Variants in RPS4Y2 observed in about 807,000 individuals in gnomAD.
RPS4Y2 encodes ribosomal protein S4 Y-linked 2.
In RPS4Y2, 6 loss-of-function variants were observed where a neutral mutation model predicts 5.0. The ratio of observed to expected loss-of-function variants is 1.20; its 90% CI spans 0.66 to 2.37. RPS4Y2 has a LOEUF of 2.37. Ranked by LOEUF, RPS4Y2 falls within the 30% of genes most tolerant of loss-of-function variation. The pLI is 0.00. For missense variants in RPS4Y2, 80 were observed against 59.5 expected (o/e 1.34, Z -1.13); for synonymous variants, 19 against 19.9 (o/e 0.96, Z 0.12).
At chrY:20,756,202 C>T (rs370747879) in intron 1 of RPS4Y2, 36 bp downstream of exon 1, 5 of 387,169 alleles carry the variant, frequency 1.3e-5, no homozygotes, top group African/African-American at 6.3e-5. Context: ...GATTTATCTG[C>T]CTCCATCCTT....
Position 20,760,058 on chromosome Y carries a change from G to C in RPS4Y2, c.262+10G>C, listed in dbSNP as rs753328670. 18 of 391,240 alleles carry C rather than the reference G, an allele frequency of 4.6e-5. No homozygotes were observed. Among genetic ancestry groups the C allele is most frequent in the Non-Finnish European group, 6.5e-5 (18 of 276,421 alleles). ...CCTGCTGGATTCATAGGTAAGGAAA[G>C]AGTTCTTTGTTTTGAAGAAGGAACA... On this transcript the variant is annotated intron_variant, in intron 3 of 6. Transcript: ENST00000629237.
At chrY:20,756,216 A>G in intron 1 of RPS4Y2, 50 bp downstream of exon 1, 1 of 364,531 alleles carries the variant, frequency 2.7e-6, no homozygotes, top group Non-Finnish European at 4.0e-6. Context: ...CATCCTTTGA[A>G]GAAGGGCCTT....
In RPS4Y2 at chrY:20,756,108, G is replaced by A; in HGVS notation, c.-56G>A. ...ATTTGACTTCCCGCTGTTTATCACC[G>A]CAGATTACGGTTGCACCGTAAAAGG... On this transcript the variant is annotated 5_prime_UTR_variant, in exon 1 of 7. Transcript: ENST00000629237. 17 of 377,799 alleles carry A rather than the reference G, an allele frequency of 4.5e-5. No individual in the cohort carries two copies. In the Admixed American group the frequency reaches 1.2e-3, roughly 27 times the overall value. The allele number at this position is 377,799 out of a possible 400,897, so 94.2% of individuals were successfully genotyped here. A position where few individuals can be genotyped will look rare whatever the true frequency, so the allele number is the denominator to read the frequency against.
chrY:20,779,717 A>C, intron 6 of RPS4Y2, 51 bp downstream of exon 6: 1 of 316,216 alleles, frequency 3.2e-6, no homozygotes. Context: ...ACCCTAAAAA[A>C]TGTAAAGACC....
intron 6 of RPS4Y2, 67 bp downstream of exon 6, chrY:20,779,733 C>T: frequency 3.6e-6 from 1 of 281,500 alleles, no homozygotes; most frequent in Non-Finnish European, 5.6e-6. Flanking sequence ...AGACCTGCAT[C>T]CACTGTTGGT....
rs775828352 is a variant in RPS4Y2 at position 20,756,852 on chromosome Y, A to G, written c.78A>G (p.Val26=). ...KHWMLDKLTG[V]FAPRPSTGPH... ...GGATGCTGGATAAACTAACTGGTGT[A>G]TTTGTGAGTATAACTGTATTTGCTT... Residue 26 remains valine, a synonymous_variant, in exon 2 of 7, where the codon GTA becomes GTG. Coordinates refer to ENST00000629237, the MANE Select transcript of RPS4Y2 (RefSeq NM_001039567.3). 6.6e-5 allele frequency: 26 copies of G among 392,066 alleles called. No homozygotes were observed. The highest frequency in any genetic ancestry group is 9.4e-5 in the Non-Finnish European group (26 of 277,498).
chrY:20,780,872 C>A, intron 6 of RPS4Y2, 59 bp from the exon 7 acceptor site: 1 of 229,882 alleles, frequency 4.4e-6, no homozygotes, highest in Admixed American at 9.3e-5. Flanking sequence ...AGCTTTCTTT[C>A]GTCTCCTCCC....
Position 20,756,116 on chromosome Y carries a change from C to T in RPS4Y2, c.-48C>T, listed in dbSNP as rs1223655217. The T allele has an allele frequency of 2.6e-6, 1 of 386,863 alleles. No homozygotes were observed. ...TCCCGCTGTTTATCACCGCAGATTA[C>T]GGTTGCACCGTAAAAGGAGAGGTTC... On this transcript the variant is annotated 5_prime_UTR_variant, in exon 1 of 7. The change creates a new upstream start codon in the 5' untranslated region. Transcript: ENST00000629237.
At chrY:20,769,007 C>T in intron 5 of RPS4Y2, 31 bp downstream of exon 5, 1 of 286,336 alleles carries the variant, frequency 3.5e-6, no homozygotes, top group Non-Finnish European at 5.3e-6. Flanking sequence ...TTTTTTTTCC[C>T]TTGTCTGTTG....
chrY:20,756,823 C>T lies in RPS4Y2; in HGVS notation c.49C>T (p.His17Tyr). The change falls in exon 2 of 7, where the codon CAT becomes TAT. Residue 17 changes from histidine to tyrosine, a missense_variant. Transcript: ENST00000629237. The stretch of plus-strand genomic sequence containing the variant: ...CTTGAAGCGTGTTGCAGCGCCGAAG[C>T]ATTGGATGCTGGATAAACTAACTGG... ...KHLKRVAAPK[H>Y]WMLDKLTGVF... 2.5e-6 allele frequency: 1 copy of T among 398,648 alleles called. No homozygotes were observed. The highest frequency in any genetic ancestry group is 3.5e-6 in the Non-Finnish European group (1 of 283,301).
chrY:20,760,138 C>G, intron 3 of RPS4Y2, 90 bp downstream of exon 3: 2 of 223,345 alleles, frequency 9.0e-6, no homozygotes, highest in South Asian at 7.6e-5. Flanking sequence ...TAAGCAAAAC[C>G]CAACACTGAA....
Position 20,756,775 on chromosome Y carries a change from C to T in RPS4Y2, c.4-3C>T. 1.0e-5 allele frequency: 4 copies of T among 398,014 alleles called. No homozygotes were observed. The highest frequency in any genetic ancestry group is 1.4e-5 in the Non-Finnish European group (4 of 282,699). Reference sequence around the variant, plus strand: ...CTCTGAAAAAGTTTGGTGTCTTTTTCAGGCCCGGGGCCCCAAGAAGCACTT... The same window carrying T: ...CTCTGAAAAAGTTTGGTGTCTTTTTTAGGCCCGGGGCCCCAAGAAGCACTT... On this transcript the variant is annotated splice_region_variant and splice_polypyrimidine_tract_variant and intron_variant, in intron 1 of 6. Transcript: ENST00000629237.
intron 5 of RPS4Y2, 45 bp from the exon 6 acceptor site, chrY:20,779,464 G>T: frequency 2.8e-6 from 1 of 354,295 alleles, no homozygotes; most frequent in Middle Eastern, 6.6e-4. Flanking sequence ...GCCTCTATCT[G>T]GTTTTAAAAT....
chrY:20,756,109 C>T lies in RPS4Y2; in HGVS notation c.-55C>T, dbSNP rs35474563. The T allele has an allele frequency of 7.4e-4, 282 of 381,274 alleles. No individual in the cohort carries two copies. Among genetic ancestry groups the T allele is most frequent in the Middle Eastern group, 3.6e-3 (6 of 1,648 alleles). On this transcript the variant is annotated 5_prime_UTR_variant, in exon 1 of 7. Coordinates refer to ENST00000629237, the MANE Select transcript of RPS4Y2 (RefSeq NM_001039567.3). The stretch of plus-strand genomic sequence containing the variant: ...TTTGACTTCCCGCTGTTTATCACCG[C>T]AGATTACGGTTGCACCGTAAAAGGA...
chrY:20,756,984 C>G, intron 2 of RPS4Y2, 129 bp downstream of exon 2: 1 of 176,258 alleles, frequency 5.7e-6, no homozygotes, highest in Non-Finnish European at 1.0e-5. Flanking sequence ...GCACACGGAA[C>G]TTGTCCTTGC....
At chrY:20,780,893 T>C in intron 6 of RPS4Y2, 38 bp from the exon 7 acceptor site, 2 of 290,672 alleles carry the variant, frequency 6.9e-6, no homozygotes, top group Non-Finnish European at 1.1e-5. Context: ...TTTTCATCCC[T>C]TTTTTATGTA....
Position 20,780,912 on chromosome Y carries a change from A to G in RPS4Y2, c.691-19A>G. The G allele has an allele frequency of 6.4e-6, 2 of 313,981 alleles. No individual in the cohort carries two copies. Among genetic ancestry groups the G allele is most frequent in the Non-Finnish European group, 9.6e-6 (2 of 209,186 alleles). 78.3% of individuals were successfully genotyped at this position (313,981 alleles called of 400,897 possible). On this transcript the variant is annotated intron_variant, in intron 6 of 6. Transcript: ENST00000629237. ...CATCCCTTTTTTATGTACTTATTTT[A>G]TCTCCTTCTCAATTACAGGGTAATA...
rs1200117913 is a variant in RPS4Y2, at chrY:20,768,982, G to GT, written c.532+14dup. ...CTTTATCAAATTTGACACAGGTAAG[G>GT]TTTTTTTTGTTGTTTTTTTTTTCCC... On this transcript the variant is annotated splice_region_variant and intron_variant, in intron 5 of 6. Coordinates refer to ENST00000629237, the MANE Select transcript of RPS4Y2 (RefSeq NM_001039567.3). The GT allele has an allele frequency of 1.7e-5, 6 of 359,348 alleles. No individual in the cohort carries two copies. The highest frequency in any genetic ancestry group is 1.7e-4 in the Admixed American group (2 of 12,074). 89.6% of individuals were successfully genotyped at this position (359,348 alleles called of 400,897 possible).
Position 20,779,618 on chromosome Y carries a change from C to G in RPS4Y2, c.642C>G (p.Asn214Lys). 1 of 397,631 alleles carries G rather than the reference C, an allele frequency of 2.5e-6. No individual in the cohort carries two copies. Among genetic ancestry groups the G allele is most frequent in the Non-Finnish European group, 3.5e-6 (1 of 282,407 alleles). Residue 214 changes from asparagine (N) to lysine (K), a missense_variant, in exon 6 of 7, where the codon AAC (asparagine) becomes AAG (lysine). Physicochemically the swap from Asn to Lys is moderately conservative, Grantham distance 94. Transcript: ENST00000629237. ...ATGTGGTACATGTGAAGGATGCCAA[C>G]GGCAACAGCTTTGCCACAAGGATTT... is the stretch of plus-strand genomic sequence containing the variant. ...SCDVVHVKDA[N>K]GNSFATRISN... is the part of the protein sequence containing the mutation.
Sources: allele counts gnomAD v4.1 joint callset, GRCh38; gene constraint gnomAD v4.1.1; transcripts MANE v1.5; gene names NCBI Gene and HGNC (gene_info 2026-07-23, HGNC 2026-07-21).